The following BET1 variants were observed in gnomAD, a reference collection of about 807,000 sequenced individuals.
BET1 encodes BET1 homolog.
In BET1, 9 loss-of-function variants were observed where a neutral mutation model predicts 13.9. That is an observed-to-expected ratio of 0.65 (90% CI 0.39 to 1.13). The LOEUF (loss-of-function observed/expected upper bound fraction) is 1.13. BET1 is among the 50% of genes most tolerant of loss of function. The pLI, the probability that BET1 is intolerant of heterozygous loss-of-function variation, is 0.01. For synonymous variants in BET1, 39 were observed against 47.3 expected (o/e 0.82, Z 0.72); for missense variants, 127 against 133.6 (o/e 0.95, Z 0.24).
At chr7:94,004,147 A>G in intron 1 of BET1, 51 bp downstream of exon 1, 2 of 1,613,748 alleles carry the variant, frequency 1.2e-6, no homozygotes, top group Non-Finnish European at 8.5e-7. Context: ...CCCGCGCCCC[A>G]GCGCTCCCGG....
chr7:93,978,420 A>T (rs1297630153), intron 4 of BET1, among the ~76,000 whole-genome samples: 1 of 152,072 alleles, frequency 6.6e-6, no homozygotes, highest in Non-Finnish European at 1.5e-5. Flanking sequence ...ACTTGGAAAG[A>T]TCTCTCTGGT....
chr7:93,969,259 ACT>A (rs1795222950), intron 6 of BET1, among the ~76,000 whole-genome samples: 1 of 151,630 alleles, frequency 6.6e-6, no homozygotes, highest in Admixed American at 6.6e-5. Context: ...CTGTCTTATC[ACT>A]CTCTGACTTT....
intron 4 of BET1, among the ~76,000 whole-genome samples, chr7:93,976,518 C>T (rs1219767008): frequency 2.6e-5 from 4 of 152,104 alleles, no homozygotes; most frequent in East Asian, 1.9e-4. Context: ...GCTTGAACGC[C>T]GGCAGGATCT....
At chr7:93,995,220 T>C (rs1795737265) in intron 3 of BET1, among the ~76,000 whole-genome samples, 1 of 152,134 alleles carries the variant, frequency 6.6e-6, no homozygotes, top group South Asian at 2.1e-4. Flanking sequence ...TAAGAGAATA[T>C]CATATAGAGG....
At position 94,004,237 on chromosome 7, in the gene BET1, A is replaced by G; in HGVS notation, c.-21T>C. 6.2e-7 allele frequency: 1 copy of G among 1,614,030 alleles called. No individual in the cohort carries two copies. Among genetic ancestry groups the G allele is most frequent in the East Asian group, 2.2e-5 (1 of 44,862 alleles). On this transcript the variant is annotated 5_prime_UTR_variant, in exon 1 of 4. Transcript: ENST00000222547. Reference sequence around the variant, plus strand: ...CTCATCCTGCCAGAGGAGAGAGAGAAAAGGCGGGTGCGGGGCTTTGGGTGA... The same window carrying G: ...CTCATCCTGCCAGAGGAGAGAGAGAGAAGGCGGGTGCGGGGCTTTGGGTGA...
intron 4 of BET1, chr7:93,976,165 A>ACTTCTACTTT: frequency 1.9e-6 from 2 of 1,068,138 alleles, no homozygotes; most frequent in Non-Finnish European, 2.4e-6. Context: ...AACAACATTT[A>ACTTCTACTTT]AAGTAGAAGT....
chr7:93,967,331 A>T (rs528591318), intron 6 of BET1, among the ~76,000 whole-genome samples: 14 of 151,938 alleles, frequency 9.2e-5, no homozygotes, highest in African/African-American at 3.4e-4. Context: ...TGGTGGTCAC[A>T]GTTATTTATA....
At chr7:93,988,419 G>T (rs1292146697), downstream of BET1, among the ~76,000 whole-genome samples, 1 of 152,144 alleles carries the variant, frequency 6.6e-6, no homozygotes, top group Non-Finnish European at 1.5e-5. Context: ...TTACATAGCA[G>T]ATGCTACAGT....
intron 1 of BET1, among the ~76,000 whole-genome samples, chr7:94,003,960 CT>C (rs1174791532): frequency 6.6e-5 from 10 of 152,126 alleles, no homozygotes; most frequent in African/African-American, 2.4e-4. Flanking sequence ...ACACCCACCC[CT>C]AGTCCACTAC....
Position 93,999,231 on chromosome 7 carries a change from C to T in BET1, c.83G>A (p.Cys28Tyr), listed in dbSNP as rs369247771. The part of the protein sequence containing the change: ...YGYANSGYSA[C>Y]EEENERLTES... Reference sequence around the variant, plus strand: ...AGTGAGCCTCTCATTTTCTTCTTCACAGGCACTATACCCACTATTAGCATA... The same window carrying T: ...AGTGAGCCTCTCATTTTCTTCTTCATAGGCACTATACCCACTATTAGCATA... Residue 28 changes from cysteine (C) to tyrosine (Y), a missense_variant, in exon 2 of 4, where the codon TGT (cysteine) becomes TAT (tyrosine). By Grantham distance (194) the Cys-to-Tyr change is radical. Transcript: ENST00000222547. The T allele has an allele frequency of 2.3e-5, 37 of 1,613,372 alleles. No homozygotes were observed. Among genetic ancestry groups the T allele is most frequent in the Non-Finnish European group, 3.1e-5 (37 of 1,179,614 alleles).
At chr7:93,969,233 A>C (rs528330166) in intron 6 of BET1, among the ~76,000 whole-genome samples, 10 of 151,938 alleles carry the variant, frequency 6.6e-5, no homozygotes, top group African/African-American at 2.4e-4. Flanking sequence ...GCTCTAATCC[A>C]GTTTTAATGA....
chr7:93,969,012 G>A (rs531048295), intron 6 of BET1, among the ~76,000 whole-genome samples: 1 of 151,898 alleles, frequency 6.6e-6, no homozygotes, highest in East Asian at 1.9e-4. Flanking sequence ...TGAAAGATGA[G>A]ATAGAAACAG....
intron 5 of BET1, among the ~76,000 whole-genome samples, chr7:93,974,970 A>C (rs1208125572): frequency 2.0e-5 from 3 of 152,064 alleles, no homozygotes; most frequent in African/African-American, 7.2e-5. Context: ...TGAGAGGGGC[A>C]TATCACTTCT....
chr7:93,968,370 T>G (rs1795207923), intron 6 of BET1: 1 of 151,808 alleles, frequency 6.6e-6, no homozygotes, highest in African/African-American at 2.4e-5. Context: ...TTGTAGTGAC[T>G]TATCAAGGCA....
chr7:93,992,407 C>G, downstream of BET1: 1 of 985,328 alleles, frequency 1.0e-6, no homozygotes, highest in Non-Finnish European at 1.2e-6. Flanking sequence ...CTTTGATATC[C>G]TCTACTTCCA....
chr7:93,986,568 G>A (rs574537705), intron 4 of BET1, among the ~76,000 whole-genome samples: 9 of 152,274 alleles, frequency 5.9e-5, no homozygotes, highest in African/African-American at 2.2e-4. Flanking sequence ...ACTTGAATAC[G>A]TTCTTAATTT....
exon 5 of BET1, chr7:93,976,058 C>T (rs1364982082): frequency 1.6e-6 from 2 of 1,275,130 alleles, no homozygotes; most frequent in Non-Finnish European, 2.0e-6. Context: ...CAGAAGTAGG[C>T]TTTCACTGCT....
Position 94,004,279 on chromosome 7 carries a change from G to A in BET1, c.-63C>T. 16 of 1,611,070 alleles carry A rather than the reference G, an allele frequency of 9.9e-6. No homozygotes were observed. Among genetic ancestry groups the A allele is most frequent in the Non-Finnish European group, 1.4e-5 (16 of 1,177,390 alleles). On this transcript the variant is annotated 5_prime_UTR_variant, in exon 1 of 4. Transcript: ENST00000222547. Reference sequence around the variant, plus strand: ...TTTGGGTGAGTAGGAAACAGCTAGGGGCGACCCGGACCGCGTCTTCAGTAC... The same window carrying A: ...TTTGGGTGAGTAGGAAACAGCTAGGAGCGACCCGGACCGCGTCTTCAGTAC...
chr7:93,966,512 CCTTT>C (rs1292678810), intron 6 of BET1, among the ~76,000 whole-genome samples: 4 of 151,732 alleles, frequency 2.6e-5, no homozygotes, highest in Non-Finnish European at 4.4e-5. Flanking sequence ...CATGCCATTT[CCTTT>C]TCTAGTGCTT....
Sources: gnomAD v4.1 joint callset for allele counts (sites outside exome capture counted in the v4.1 genomes callset) on GRCh38, gnomAD v4.1.1 for gene constraint, MANE v1.5 for transcripts, NCBI Gene and HGNC (gene_info 2026-07-23, HGNC 2026-07-21) for gene names.